AGMO: variants seen among roughly 807,000 people sequenced by gnomAD.
AGMO encodes the protein alkylglycerol monooxygenase, also known as glyceryl-ether monooxygenase.
Under a neutral mutation model 60.2 loss-of-function variants are expected in AGMO, and 75 were observed. That is an observed-to-expected ratio of 1.25 (90% CI 1.03 to 1.51). AGMO has a LOEUF of 1.51. AGMO is among the 40% of genes most tolerant of loss of function. The pLI is 0.00. For missense variants in AGMO, 763 were observed against 525.5 expected, an observed-to-expected ratio of 1.45 and a Z score of -4.42; for synonymous variants, 261 against 177.1, an observed-to-expected ratio of 1.47 and a Z score of -3.76.
chr7:15,527,380 A>G (rs1457419764), intron 3 of AGMO, among the ~76,000 whole-genome samples: 1 of 152,160 alleles, frequency 6.6e-6, no homozygotes, highest in African/African-American at 2.4e-5. Flanking sequence ...ACTAGCCACA[A>G]TTTCCTTTGG....
chr7:15,249,084 C>G (rs1318946110), intron 12 of AGMO, among the ~76,000 whole-genome samples: 1 of 152,096 alleles, frequency 6.6e-6, no homozygotes, highest in Non-Finnish European at 1.5e-5. Flanking sequence ...ATAGGATGAG[C>G]ATTAGGTGCC....
At chr7:15,363,910 T>C (rs1046551535) in intron 12 of AGMO, among the ~76,000 whole-genome samples, 1 of 152,068 alleles carries the variant, frequency 6.6e-6, no homozygotes, top group Non-Finnish European at 1.5e-5. Flanking sequence ...GGTGTTAAAG[T>C]GCCATTTTCT....
chr7:15,295,241 C>T (rs537681026), intron 12 of AGMO, among the ~76,000 whole-genome samples: 1 of 151,922 alleles, frequency 6.6e-6, no homozygotes, highest in Middle Eastern at 3.5e-3. Flanking sequence ...AATATATACT[C>T]CTTTAAGAAT....
chr7:15,558,085 G>A (rs1406996064), intron 2 of AGMO, among the ~76,000 whole-genome samples: 1 of 145,388 alleles, frequency 6.9e-6, no homozygotes, highest in African/African-American at 2.5e-5. Flanking sequence ...TTTTATTCTT[G>A]TTTTCCTGTT....
chr7:15,301,122 A>C (rs554497034), intron 12 of AGMO, among the ~76,000 whole-genome samples: 1 of 152,068 alleles, frequency 6.6e-6, no homozygotes, highest in African/African-American at 2.4e-5. Context: ...GGTGAAATTA[A>C]AAGTGTTATT....
intron 12 of AGMO, among the ~76,000 whole-genome samples, chr7:15,352,898 T>C (rs1222637795): frequency 6.6e-6 from 1 of 152,080 alleles, no homozygotes; most frequent in Non-Finnish European, 1.5e-5. Context: ...CTGACATGGC[T>C]CTATATCATA....
chr7:15,376,631 T>C (rs1783465350), intron 10 of AGMO, among the ~76,000 whole-genome samples: 1 of 152,104 alleles, frequency 6.6e-6, no homozygotes, highest in South Asian at 2.1e-4. Context: ...TATTGAATAT[T>C]CAAACTGTTT....
At chr7:15,283,445 G>A (rs183907939) in intron 12 of AGMO, among the ~76,000 whole-genome samples, 97 of 151,818 alleles carry the variant, frequency 6.4e-4, no homozygotes, top group African/African-American at 2.0e-3. Context: ...TCTTATATCT[G>A]ATCAAAAAGA....
chr7:15,140,810 C>T, the AGMO span, among the ~76,000 whole-genome samples: 45 of 152,008 alleles, frequency 3.0e-4, no homozygotes, highest in African/African-American at 1.1e-3. Context: ...TTTACCTAAA[C>T]ATTTTGCATA....
At chr7:15,275,222 T>C (rs967645569) in intron 12 of AGMO, among the ~76,000 whole-genome samples, 7 of 152,172 alleles carry the variant, frequency 4.6e-5, no homozygotes, top group Admixed American at 1.3e-4. Context: ...TTTTGCTGTA[T>C]CCCAGATATT....
rs117978171 is a variant in AGMO, at chr7:15,454,945, T to C, written c.410-23837A>G. The stretch of plus-strand genomic sequence containing the variant: ...CCATTTTAGCTTCTGCCTTTGGTAC[T>C]TTTCTCCATGTTGTTAAACGGCATT... On this transcript the variant is annotated intron_variant, in intron 3 of 12. Coordinates refer to ENST00000342526, the MANE Select transcript of AGMO (RefSeq NM_001004320.2). Among the ~76,000 whole-genome samples the C allele has an allele frequency of 2.2e-4, 33 of 152,288 alleles. No homozygotes were observed. The East Asian group carries it at 6.0e-3, about 28-fold the overall frequency.
chr7:15,283,744 A>C (rs1167524795), intron 12 of AGMO, among the ~76,000 whole-genome samples: 1 of 152,216 alleles, frequency 6.6e-6, no homozygotes, highest in South Asian at 2.1e-4. Context: ...AGAGATGTTT[A>C]CAGAAAATTC....
chr7:15,322,636 A>G (rs1248735629), intron 12 of AGMO, among the ~76,000 whole-genome samples: 7 of 70,690 alleles, frequency 9.9e-5, no homozygotes, highest in African/African-American at 4.3e-4. Context: ...ATATAAATAT[A>G]TATAAATATA....
the AGMO span, among the ~76,000 whole-genome samples, chr7:15,170,828 G>T: frequency 6.6e-6 from 1 of 152,074 alleles, no homozygotes; most frequent in South Asian, 2.1e-4. Flanking sequence ...GGCCCCTCTT[G>T]GCTGTGATAG....
At chr7:15,394,935 C>T (rs546673468) in intron 5 of AGMO, among the ~76,000 whole-genome samples, 4 of 152,256 alleles carry the variant, frequency 2.6e-5, no homozygotes, top group South Asian at 4.1e-4. Context: ...TCTCACATTT[C>T]TTAGATTCCC....
chr7:15,256,636 G>C (rs555910651), intron 12 of AGMO, among the ~76,000 whole-genome samples: 1 of 152,104 alleles, frequency 6.6e-6, no homozygotes, highest in East Asian at 1.9e-4. Flanking sequence ...TGCTGGGATC[G>C]CAGGCGCAAG....
chr7:15,481,801 T>A (rs1782759350), intron 3 of AGMO, among the ~76,000 whole-genome samples: 1 of 150,464 alleles, frequency 6.6e-6, no homozygotes, highest in African/African-American at 2.4e-5. Flanking sequence ...TTTTTTTTTT[T>A]TTTTTTTTTT....
intron 3 of AGMO, among the ~76,000 whole-genome samples, chr7:15,472,688 C>T (rs979322192): frequency 3.9e-5 from 6 of 151,916 alleles, no homozygotes; most frequent in African/African-American, 1.4e-4. Context: ...ATTATGTGAT[C>T]ATATTTTCTG....
chr7:15,369,175 C>T (rs1362115677), intron 10 of AGMO, among the ~76,000 whole-genome samples: 1 of 151,916 alleles, frequency 6.6e-6, no homozygotes, highest in African/African-American at 2.4e-5. Flanking sequence ...TACCCTATTC[C>T]ACCCCAAGAT....
Sources: gnomAD v4.1 joint callset for allele counts (sites outside exome capture counted in the v4.1 genomes callset) on GRCh38, gnomAD v4.1.1 for gene constraint, MANE v1.5 for transcripts, NCBI Gene and HGNC (gene_info 2026-07-23, HGNC 2026-07-21) for gene names.